ADAMTSL3: variants seen among roughly 807,000 people sequenced by gnomAD.
ADAMTSL3 encodes ADAMTS-like protein 3.
In ADAMTSL3, 128 loss-of-function variants were observed where a neutral mutation model predicts 201.7. The observed-to-expected ratio is 0.63, with a 90% CI of 0.55 to 0.73. ADAMTSL3 has a LOEUF of 0.73. Ranked by LOEUF, ADAMTSL3 falls within the 30% of genes least tolerant of loss-of-function variation. The probability of loss-of-function intolerance (pLI) is 0.00; values close to 1 mark genes in which losing one functional copy is unlikely to be tolerated. For synonymous variants in ADAMTSL3, 738 were observed against 748.4 expected, an observed-to-expected ratio of 0.99 and a Z score of 0.23; for missense variants, 1,990 against 2,119.6, an observed-to-expected ratio of 0.94 and a Z score of 1.20.
intron 7 of ADAMTSL3, among the ~76,000 whole-genome samples, chr15:83,844,632 C>T (rs1294134428): frequency 6.6e-6 from 1 of 152,088 alleles, no homozygotes; most frequent in African/African-American, 2.4e-5. Context: ...AAAGTTTCAC[C>T]CTCCTCCATT....
At chr15:83,908,904 G>A (rs1014182324) in intron 15 of ADAMTSL3, among the ~76,000 whole-genome samples, 16 of 152,196 alleles carry the variant, frequency 1.1e-4, no homozygotes, top group Non-Finnish European at 2.4e-4. Context: ...TTTGGCAAGA[G>A]TCTGCTTCCA....
intron 2 of ADAMTSL3, among the ~76,000 whole-genome samples, chr15:83,704,012 A>AG (rs1287074285): frequency 1.3e-5 from 2 of 151,412 alleles, no homozygotes; most frequent in Non-Finnish European, 2.9e-5. Context: ...CCAAAAAAAA[A>AG]AAAAAACACA....
chr15:83,832,146 T>C lies in ADAMTSL3; in HGVS notation c.601-5943T>C, dbSNP rs751131887. ...GTGAGATATTGTTTGATGGCCTCAATTGAGTGAAATATAAAGCAAAGGCAT... is the reference window on the plus strand; with the variant it reads ...GTGAGATATTGTTTGATGGCCTCAACTGAGTGAAATATAAAGCAAAGGCAT... On this transcript the variant is annotated intron_variant, in intron 6 of 29. Coordinates refer to ENST00000286744, the MANE Select transcript of ADAMTSL3 (RefSeq NM_207517.3). Among the ~76,000 whole-genome samples, 4 of 152,078 alleles carry C rather than the reference T, an allele frequency of 2.6e-5. No homozygotes were observed. The East Asian group carries it at 7.7e-4, about 29-fold the overall frequency.
At position 83,903,924 on chromosome 15, in the gene ADAMTSL3, A is replaced by AG. The variant is rs1449297227; in HGVS notation, c.1700+4193_1700+4194insG. On this transcript the variant is annotated intron_variant, in intron 15 of 29. Transcript: ENST00000286744. ...CAGTGCCAGACTCCACATCAAAAAA[A>AG]AAAAAAAAAAAAAAAAAAAAGAAAA... Among the ~76,000 whole-genome samples the AG allele has an allele frequency of 1.1e-4, 7 of 62,248 alleles. 1 individual carries two copies. Among genetic ancestry groups the AG allele is most frequent in the African/African-American group, 5.9e-4 (7 of 11,906 alleles). The allele number at this position is 62,248 out of a possible 152,430, so 40.8% of individuals were successfully genotyped here.
chr15:83,806,750 A>AGG (rs955914008), intron 5 of ADAMTSL3, among the ~76,000 whole-genome samples: 4 of 152,116 alleles, frequency 2.6e-5, no homozygotes, highest in African/African-American at 9.7e-5. Context: ...GCTACTTGGG[A>AGG]GGTGAGGCAG....
At chr15:83,959,720 GAA>G (rs1356405502) in intron 19 of ADAMTSL3, among the ~76,000 whole-genome samples, 2 of 152,194 alleles carry the variant, frequency 1.3e-5, no homozygotes, top group Non-Finnish European at 2.9e-5. Context: ...GTCTATAGAG[GAA>G]ACCATGACAA....
chr15:83,683,789 C>T (rs565703538), intron 2 of ADAMTSL3, among the ~76,000 whole-genome samples: 55 of 152,314 alleles, frequency 3.6e-4, no homozygotes, highest in African/African-American at 1.3e-3. Context: ...ATGGCCCTTT[C>T]CACACTTGTC....
chr15:83,886,842 G>A (rs1454241445), intron 10 of ADAMTSL3, among the ~76,000 whole-genome samples: 1 of 152,180 alleles, frequency 6.6e-6, no homozygotes, highest in Non-Finnish European at 1.5e-5. Flanking sequence ...AAAACAACAG[G>A]GCAGGCACTT....
chr15:83,805,435 T>C (rs2063586931), intron 5 of ADAMTSL3, among the ~76,000 whole-genome samples: 1 of 151,872 alleles, frequency 6.6e-6, no homozygotes. Flanking sequence ...TGTGTGCCTG[T>C]AGTCCCAGCT....
At chr15:84,028,049 A>T (rs1009017244) in intron 27 of ADAMTSL3, among the ~76,000 whole-genome samples, 1 of 152,220 alleles carries the variant, frequency 6.6e-6, no homozygotes, top group African/African-American at 2.4e-5. Context: ...GGAAATTTGT[A>T]GAGACAAAAA....
In ADAMTSL3 at chr15:84,021,547, C is replaced by T. The variant is rs771841154; in HGVS notation, c.4411C>T (p.Pro1471Ser). 8.1e-6 allele frequency: 13 copies of T among 1,614,178 alleles called. No individual in the cohort carries two copies. The South Asian group carries it at 1.1e-4, about 14-fold the overall frequency. The change falls in exon 26 of 30, where the codon CCA becomes TCA. Residue 1471 changes from proline to serine, a missense_variant. Physicochemically the swap from Pro to Ser is moderately conservative, Grantham distance 74. Coordinates refer to ENST00000286744, the MANE Select transcript of ADAMTSL3 (RefSeq NM_207517.3). ...SEALCDHLQK[P>S]LAGFEPCNIR... ...GGCCCTGTGTGATCACCTCCAGAAG[C>T]CACTGGCTGGGTTTGAGCCCTGTAA...
At chr15:83,676,247 T>C (rs1460882871) in intron 2 of ADAMTSL3, among the ~76,000 whole-genome samples, 1 of 152,222 alleles carries the variant, frequency 6.6e-6, no homozygotes, top group Non-Finnish European at 1.5e-5. Flanking sequence ...TTTCTCTCTC[T>C]GTAACTGAGT....
intron 23 of ADAMTSL3, among the ~76,000 whole-genome samples, chr15:83,997,251 G>A (rs1291043645): frequency 6.6e-6 from 1 of 152,120 alleles, no homozygotes; most frequent in Non-Finnish European, 1.5e-5. Context: ...AAAAGTTTGG[G>A]GATAGAACTT....
intron 4 of ADAMTSL3, among the ~76,000 whole-genome samples, chr15:83,799,548 A>C (rs995542852): frequency 4.6e-5 from 7 of 152,296 alleles, no homozygotes; most frequent in African/African-American, 1.7e-4. Flanking sequence ...CATACTTCTC[A>C]GGCTTTATGA....
chr15:83,865,696 G>A (rs1274103043), intron 8 of ADAMTSL3, among the ~76,000 whole-genome samples: 3 of 152,154 alleles, frequency 2.0e-5, no homozygotes, highest in African/African-American at 7.2e-5. Flanking sequence ...TCAGGACATA[G>A]GCATGGGCAA....
intron 5 of ADAMTSL3, among the ~76,000 whole-genome samples, chr15:83,818,988 A>G (rs2063811844): frequency 6.6e-6 from 1 of 152,156 alleles, no homozygotes; most frequent in South Asian, 2.1e-4. Context: ...AAAAACAACG[A>G]CAGGCCGGGC....
chr15:84,036,665 C>G (rs1220024049), intron 28 of ADAMTSL3, 108 bp from the exon 29 acceptor site: 1 of 789,964 alleles, frequency 1.3e-6, no homozygotes, highest in African/African-American at 1.7e-5. Context: ...TCCATCCAAC[C>G]TTTAATACGT....
In ADAMTSL3 at chr15:83,716,612, GTGTGTGTGTGTGT is replaced by G. The variant is rs1436060857; in HGVS notation, c.189+12118_189+12130del. Among the ~76,000 whole-genome samples, 7 of 151,198 alleles carry G rather than the reference GTGTGTGTGTGTGT, an allele frequency of 4.6e-5. No individual in the cohort carries two copies. The East Asian group carries it at 1.4e-3, about 29-fold the overall frequency. Reference sequence around the variant, plus strand: ...AAAGAGCCTATCTTTATTTCTTTGTGTGTGTGTGTGTGTTGTGTGTGTGTGTGTTTGTAATTAT... The same window carrying G: ...AAAGAGCCTATCTTTATTTCTTTGTGTGTGTGTGTGTGTGTTTGTAATTAT... On this transcript the variant is annotated intron_variant, in intron 3 of 29. Transcript: ENST00000286744.
intron 9 of ADAMTSL3, among the ~76,000 whole-genome samples, chr15:83,881,388 G>A (rs1193688500): frequency 2.0e-5 from 3 of 152,206 alleles, no homozygotes; most frequent in Non-Finnish European, 4.4e-5. Context: ...GATCTGTCCA[G>A]TTTCTCAGCT....
Sources: allele counts gnomAD v4.1 joint callset (sites outside exome capture counted in the v4.1 genomes callset), GRCh38; gene constraint gnomAD v4.1.1; transcripts MANE v1.5; gene names NCBI Gene and HGNC (gene_info 2026-07-23, HGNC 2026-07-21).